KLHL29: variants seen among roughly 807,000 people sequenced by gnomAD.
KLHL29 encodes kelch like family member 29.
In KLHL29, 21 loss-of-function variants were observed where a neutral mutation model predicts 80.4. The ratio of observed to expected loss-of-function variants is 0.26; its 90% confidence interval spans 0.19 to 0.38. The LOEUF (loss-of-function observed/expected upper bound fraction) is 0.38, where lower values mean the gene tolerates loss of function less well. KLHL29 is among the 10% of genes least tolerant of loss of function. The pLI is 1.00. For missense variants in KLHL29, 867 were observed against 1,223.9 expected (o/e 0.71, Z 4.35); for synonymous variants, 511 against 526.8 (o/e 0.97, Z 0.41).
At position 23,691,729 on chromosome 2, in the gene KLHL29, A is replaced by G. The variant is rs1202247161; in HGVS notation, c.1135A>G (p.Asn379Asp). ...GREKLELVLS[N>D]LQADVLELLL... is the part of the protein sequence containing the mutation. ...GGAGAAGCTGGAGCTCGTCCTGTCGAACCTGCAGGCAGACGTCCTGGAGTT... is the reference window on the plus strand; with the variant it reads ...GGAGAAGCTGGAGCTCGTCCTGTCGGACCTGCAGGCAGACGTCCTGGAGTT... The change falls in exon 7 of 14, where the codon AAC becomes GAC. Residue 379 changes from asparagine to aspartate, a missense_variant. Asn to Asp is a conservative substitution (Grantham distance 23). Transcript: ENST00000486442. 2 of 1,551,804 alleles carry G rather than the reference A, an allele frequency of 1.3e-6. No homozygotes were observed. The highest frequency in any genetic ancestry group is 1.7e-6 in the Non-Finnish European group (2 of 1,147,014).
At chr2:23,494,946 A>AATAGAG (rs1665214289) in intron 2 of KLHL29, among the ~76,000 whole-genome samples, 1 of 152,120 alleles carries the variant, frequency 6.6e-6, no homozygotes, top group Non-Finnish European at 1.5e-5. Context: ...GCCGTAAGCC[A>AATAGAG]ATCTCTCCTT....
intron 1 of KLHL29, among the ~76,000 whole-genome samples, chr2:23,412,134 G>GA (rs1491080109): frequency 7.1e-6 from 1 of 140,454 alleles, no homozygotes; most frequent in Non-Finnish European, 1.6e-5. Context: ...GGGGGGGGGG[G>GA]GCGGTGCGGT....
At position 23,635,671 on chromosome 2, in the gene KLHL29, G is replaced by A. The variant is rs560728309; in HGVS notation, c.286-3468G>A. On this transcript the variant is annotated intron_variant, in intron 3 of 13. Transcript: ENST00000486442. Reference sequence around the variant, plus strand: ...GCATCCCATTAGCATCTCATTAAGGGAAAGCCAAGAGAAGCCTGCTCAGGC... The same window carrying A: ...GCATCCCATTAGCATCTCATTAAGGAAAAGCCAAGAGAAGCCTGCTCAGGC... 2.0e-4 allele frequency among the ~76,000 whole-genome samples: 30 copies of A among 152,352 alleles called. No individual in the cohort carries two copies. The East Asian group carries it at 5.4e-3, about 27-fold the overall frequency.
rs1471691030 is a variant in KLHL29, at chr2:23,596,791, C to G, written c.285+34310C>G. 2.0e-5 allele frequency among the ~76,000 whole-genome samples: 3 copies of G among 152,148 alleles called. No homozygotes were observed. Among genetic ancestry groups the G allele is most frequent in the East Asian group, 1.9e-4 (1 of 5,194 alleles). The stretch of plus-strand genomic sequence containing the variant: ...TTCTTCATCTCAGAAACAGGTTCCC[C>G]CAGGAGGACATAAATAAATAAGGGA... On this transcript the variant is annotated intron_variant, in intron 3 of 13. Transcript: ENST00000486442. The surrounding 1 kb of genome is among the most constrained non-coding windows in gnomAD (Gnocchi z 4.4).
chr2:23,594,346 G>A (rs976204560), intron 3 of KLHL29, among the ~76,000 whole-genome samples: 4 of 152,114 alleles, frequency 2.6e-5, no homozygotes, highest in Non-Finnish European at 5.9e-5. Context: ...CAGACTTCCT[G>A]CCCGGCTCCT....
At chr2:23,605,708 CCCT>C (rs774272420) in intron 3 of KLHL29, among the ~76,000 whole-genome samples, 8 of 152,098 alleles carry the variant, frequency 5.3e-5, no homozygotes, top group Non-Finnish European at 1.2e-4. Context: ...GTCATTCAAG[CCCT>C]CCTCCTTCTC....
At chr2:23,636,071 G>A (rs1002072341) in intron 3 of KLHL29, among the ~76,000 whole-genome samples, 3 of 152,192 alleles carry the variant, frequency 2.0e-5, no homozygotes, top group African/African-American at 4.8e-5. Flanking sequence ...CTGGACCCAC[G>A]GCCCTGAACA....
At chr2:23,698,568 A>T (rs797005618) in intron 11 of KLHL29, among the ~76,000 whole-genome samples, 1 of 151,666 alleles carries the variant, frequency 6.6e-6, no homozygotes, top group East Asian at 1.9e-4. Flanking sequence ...GGTGCATTAT[A>T]ATTATATTAC....
intron 2 of KLHL29, among the ~76,000 whole-genome samples, chr2:23,536,823 A>T (rs1437270483): frequency 6.6e-6 from 1 of 151,608 alleles, no homozygotes. Flanking sequence ...TAGTAAAGGA[A>T]AGAGAGTGAC....
At chr2:23,471,159 C>G (rs564870848) in intron 1 of KLHL29, among the ~76,000 whole-genome samples, 3 of 152,274 alleles carry the variant, frequency 2.0e-5, no homozygotes, top group Non-Finnish European at 4.4e-5. Context: ...AAGAAAGACT[C>G]TTTGTTGCCC....
chr2:23,564,817 C>T (rs1023073342), intron 3 of KLHL29, among the ~76,000 whole-genome samples: 2 of 152,220 alleles, frequency 1.3e-5, no homozygotes, highest in Non-Finnish European at 2.9e-5. Context: ...TTGTGTATAA[C>T]AAATCTGTGG....
At chr2:23,388,842 G>GT (rs138963545) in intron 1 of KLHL29, among the ~76,000 whole-genome samples, 5,417 of 148,244 alleles carry the variant, frequency 0.037, 326 homozygotes, top group African/African-American at 0.12. Flanking sequence ...GTGTACATGG[G>GT]TTTTTTTTTT....
intron 1 of KLHL29, among the ~76,000 whole-genome samples, chr2:23,437,022 A>G (rs533014969): frequency 2.0e-5 from 3 of 152,304 alleles, no homozygotes; most frequent in African/African-American, 7.2e-5. Flanking sequence ...CAGTGTAGAA[A>G]AAGCTCCTGG....
At chr2:23,517,886 G>A (rs1665988607) in intron 2 of KLHL29, among the ~76,000 whole-genome samples, 1 of 152,144 alleles carries the variant, frequency 6.6e-6, no homozygotes, top group Admixed American at 6.5e-5. Context: ...AGCCTTGTGG[G>A]GTTAATGAGA....
chr2:23,572,417 C>T (rs752192541), intron 3 of KLHL29, among the ~76,000 whole-genome samples: 8 of 152,196 alleles, frequency 5.3e-5, no homozygotes, highest in Non-Finnish European at 1.2e-4. Context: ...TTTTTGCTTA[C>T]GTTCCTATTA....
intron 3 of KLHL29, among the ~76,000 whole-genome samples, chr2:23,571,272 G>A (rs1008555727): frequency 5.3e-5 from 8 of 152,252 alleles, no homozygotes; most frequent in African/African-American, 1.9e-4. Flanking sequence ...GTAGGAATGG[G>A]GGCGTGGGCT....
chr2:23,608,138 C>T (rs1266405460), intron 3 of KLHL29, among the ~76,000 whole-genome samples: 1 of 152,232 alleles, frequency 6.6e-6, no homozygotes, highest in Non-Finnish European at 1.5e-5. Flanking sequence ...CAGTAATTTC[C>T]ATCTCCATTC....
chr2:23,576,665 A>C (rs927750079), intron 3 of KLHL29, among the ~76,000 whole-genome samples: 1 of 152,154 alleles, frequency 6.6e-6, no homozygotes, highest in Non-Finnish European at 1.5e-5. Context: ...ACCACAGGGG[A>C]AGTCTGCATC....
Position 23,503,558 on chromosome 2 carries a change from C to T in KLHL29, c.-46+27891C>T, listed in dbSNP as rs910408874. On this transcript the variant is annotated intron_variant, in intron 2 of 13. Transcript: ENST00000486442. This position sits in a 1 kb window ranked among gnomAD's most constrained non-coding sequence, Gnocchi z 4.0. ...CGCAGGCTCCTCATAGGGTCCCTGC[C>T]GCTACACACCACGAGCCCACCGAGA... Among the ~76,000 whole-genome samples, 13 of 146,608 alleles carry T rather than the reference C, an allele frequency of 8.9e-5. No homozygotes were observed. Among genetic ancestry groups the T allele is most frequent in the South Asian group, 6.7e-4 (3 of 4,448 alleles).
Sources: allele counts gnomAD v4.1 joint callset (sites outside exome capture counted in the v4.1 genomes callset), GRCh38; gene constraint gnomAD v4.1.1; non-coding constraint Gnocchi (gnomAD v3.1); transcripts MANE v1.5; gene names NCBI Gene and HGNC (gene_info 2026-07-23, HGNC 2026-07-21).